CDC42BPA: variants seen among roughly 807,000 people sequenced by gnomAD.
CDC42BPA encodes the protein CDC42 binding protein kinase alpha.
CDC42BPA carries 80 observed loss-of-function variants against 223.5 expected under a neutral mutation model. That is an observed-to-expected ratio of 0.36 (90% CI 0.30 to 0.43). CDC42BPA has a LOEUF of 0.43. Ranked by LOEUF, CDC42BPA falls within the 20% of genes least tolerant of loss-of-function variation. The pLI, the probability that CDC42BPA is intolerant of heterozygous loss-of-function variation, is 1.00. For missense variants in CDC42BPA, 1,743 were observed against 2,099.9 expected (o/e 0.83, Z 3.32); for synonymous variants, 694 against 718.6 (o/e 0.97, Z 0.55).
chr1:227,029,826 A>G (rs1037102623), intron 29 of CDC42BPA, among the ~76,000 whole-genome samples: 34 of 152,122 alleles, frequency 2.2e-4, no homozygotes, highest in Admixed American at 2.2e-3. Flanking sequence ...ATTTTTTTTC[A>G]TGTTCCATCT....
intron 1 of CDC42BPA, 110 bp downstream of exon 1, chr1:227,316,895 T>A (rs549377355): frequency 1.8e-5 from 14 of 783,912 alleles, no homozygotes; most frequent in Admixed American, 3.1e-5. Flanking sequence ...TCTGTTTTTT[T>A]ATTGTATTTT....
At chr1:227,185,151 A>AT (rs1381947598) in intron 5 of CDC42BPA, among the ~76,000 whole-genome samples, 8 of 125,342 alleles carry the variant, frequency 6.4e-5, no homozygotes, top group East Asian at 2.6e-4. Flanking sequence ...CTTTACAAGA[A>AT]ATTTTTTTTT....
At chr1:227,135,408 C>T (rs1558579763) in intron 10 of CDC42BPA, among the ~76,000 whole-genome samples, 1 of 152,034 alleles carries the variant, frequency 6.6e-6, no homozygotes, top group South Asian at 2.1e-4. Flanking sequence ...TTCATCAAGA[C>T]ACCAAATTTG....
intron 1 of CDC42BPA, among the ~76,000 whole-genome samples, chr1:227,277,343 G>A (rs74140153): frequency 0.15 from 22,814 of 152,026 alleles, 2,078 homozygotes; most frequent in African/African-American, 0.24. Flanking sequence ...TTTTCCAAAC[G>A]TCTCAATATT....
intron 1 of CDC42BPA, among the ~76,000 whole-genome samples, chr1:227,287,500 T>A (rs1413304357): frequency 6.6e-6 from 1 of 152,246 alleles, no homozygotes; most frequent in Non-Finnish European, 1.5e-5. Flanking sequence ...CTTACCCTGA[T>A]AATTCTCTTC....
At chr1:227,271,871 C>A (rs79392739) in intron 1 of CDC42BPA, among the ~76,000 whole-genome samples, 3 of 152,104 alleles carry the variant, frequency 2.0e-5, no homozygotes, top group Non-Finnish European at 2.9e-5. Flanking sequence ...TCAGTTATCA[C>A]ACCACTAATA....
chr1:227,229,916 G>A (rs1677514618), intron 2 of CDC42BPA, among the ~76,000 whole-genome samples: 1 of 151,934 alleles, frequency 6.6e-6, no homozygotes, highest in Non-Finnish European at 1.5e-5. Context: ...TATGTGTCTG[G>A]GTGTAATTTT....
intron 11 of CDC42BPA, among the ~76,000 whole-genome samples, chr1:227,120,837 C>T (rs1422035044): frequency 6.6e-6 from 1 of 152,104 alleles, no homozygotes; most frequent in Non-Finnish European, 1.5e-5. Flanking sequence ...GCACCAGGGA[C>T]CAGTTTTGTG....
At chr1:227,078,775 T>C (rs1680015808) in intron 17 of CDC42BPA, among the ~76,000 whole-genome samples, 1 of 152,160 alleles carries the variant, frequency 6.6e-6, no homozygotes, top group Non-Finnish European at 1.5e-5. Flanking sequence ...CTATATGTCA[T>C]GAGGTCCTAT....
chr1:227,221,549 C>T (rs868527512), intron 2 of CDC42BPA, among the ~76,000 whole-genome samples: 1 of 147,282 alleles, frequency 6.8e-6, no homozygotes, highest in African/African-American at 2.5e-5. Flanking sequence ...CCTCCCTTCC[C>T]ACTACCCCTG....
intron 3 of CDC42BPA, among the ~76,000 whole-genome samples, chr1:227,210,005 T>C (rs1336207930): frequency 6.6e-6 from 1 of 151,250 alleles, no homozygotes; most frequent in Non-Finnish European, 1.5e-5. Context: ...TTTTGGTTGG[T>C]AAACTATTGA....
At position 227,005,071 on chromosome 1, in the gene CDC42BPA, G is replaced by A; in HGVS notation, c.4898C>T (p.Ser1633Leu). 1 of 1,614,178 alleles carries A rather than the reference G, an allele frequency of 6.2e-7. No individual in the cohort carries two copies. The highest frequency in any genetic ancestry group is 2.2e-5 in the East Asian group (1 of 44,886). The change falls in exon 35 of 37, where the codon TCA (serine) becomes TTA (leucine). Residue 1633 changes from serine to leucine, a missense_variant. Physicochemically the swap from Ser to Leu is moderately radical, Grantham distance 145 (BLOSUM62 -2). Coordinates refer to ENST00000366766, the MANE Select transcript of CDC42BPA (RefSeq NM_001394014.1). ...PQESRTVFSGSVSIPSITKSR... is the reference protein window; with the variant it reads ...PQESRTVFSGLVSIPSITKSR... ...TTTGGTGATAGATGGAATACTGACT[G>A]AGCCACTGAATACTGTCCGACTTTC...
At chr1:227,104,377 C>G (rs1455445079) in intron 14 of CDC42BPA, among the ~76,000 whole-genome samples, 1 of 151,938 alleles carries the variant, frequency 6.6e-6, no homozygotes, top group African/African-American at 2.4e-5. Flanking sequence ...ATTGGTTATG[C>G]GGATAGTCTT....
chr1:227,127,823 T>C (rs952239046), intron 11 of CDC42BPA, among the ~76,000 whole-genome samples: 4 of 152,230 alleles, frequency 2.6e-5, no homozygotes, highest in South Asian at 4.1e-4. Context: ...AAAGTATTAA[T>C]ATGGCATTTT....
intron 11 of CDC42BPA, among the ~76,000 whole-genome samples, chr1:227,121,920 C>A (rs1688742404): frequency 6.6e-6 from 1 of 151,716 alleles, no homozygotes; most frequent in South Asian, 2.1e-4. Context: ...CCTGCCTCAG[C>A]CTCCCGAGCA....
intron 10 of CDC42BPA, among the ~76,000 whole-genome samples, chr1:227,134,625 G>C (rs983052566): frequency 1.3e-5 from 2 of 151,988 alleles, no homozygotes; most frequent in African/African-American, 2.4e-5. Context: ...TACATTCCTG[G>C]TCATGGGCAG....
chr1:227,029,114 G>A lies in CDC42BPA; in HGVS notation c.3975C>T (p.Thr1325=), dbSNP rs189930745. Residue 1325 remains threonine, a synonymous_variant, in exon 30 of 37, where the codon ACC becomes ACT. Coordinates refer to ENST00000366766, the MANE Select transcript of CDC42BPA (RefSeq NM_001394014.1). ...TAGTTTCTGACAGCTTGTAAAAATC[G>A]GTCTCTCGCCCATCCAATGCTGACA... ...FPMSALDGRE[T]DFYKLSETKG... 54 of 1,612,408 alleles carry A rather than the reference G, an allele frequency of 3.3e-5. No homozygotes were observed. Among genetic ancestry groups the A allele is most frequent in the Admixed American group, 3.2e-4 (19 of 60,000 alleles).
At chr1:227,067,618 ATTTGT>A (rs989296037) in intron 21 of CDC42BPA, among the ~76,000 whole-genome samples, 2 of 152,190 alleles carry the variant, frequency 1.3e-5, no homozygotes, top group African/African-American at 4.8e-5. Flanking sequence ...CAGAGTAATT[ATTTGT>A]TTTGAGAATA....
intron 1 of CDC42BPA, among the ~76,000 whole-genome samples, chr1:227,276,373 C>A (rs1572804317): frequency 6.7e-6 from 1 of 148,902 alleles, no homozygotes; most frequent in African/African-American, 2.5e-5. Flanking sequence ...AAGTGAGGAG[C>A]CCCTCCGCCC....
Sources: allele counts gnomAD v4.1 joint callset (sites outside exome capture counted in the v4.1 genomes callset), GRCh38; gene constraint gnomAD v4.1.1; transcripts MANE v1.5; gene names NCBI Gene and HGNC (gene_info 2026-07-23, HGNC 2026-07-21).